Variants in FGF12 observed in about 807,000 individuals in gnomAD.
The protein encoded by FGF12 is fibroblast growth factor 12B.
FGF12 carries 14 observed loss-of-function variants against 23.6 expected under a neutral mutation model. That is an observed-to-expected ratio of 0.59 (90% CI 0.39 to 0.93). The LOEUF (loss-of-function observed/expected upper bound fraction) is 0.93. FGF12 is among the 40% of genes least tolerant of loss of function. The pLI is 0.00. For synonymous variants in FGF12, 62 were observed against 77.3 expected (o/e 0.80, Z 1.04); for missense variants, 175 against 217.8 (o/e 0.80, Z 1.24).
chr3:192,148,649 A>G (rs1250756547), intron 5 of FGF12, among the ~76,000 whole-genome samples: 1 of 152,186 alleles, frequency 6.6e-6, no homozygotes, highest in East Asian at 1.9e-4. Context: ...CAAACAAACA[A>G]CTTGTCCTGA....
At chr3:192,447,425 A>G (rs1722388021) in intron 2 of FGF12, among the ~76,000 whole-genome samples, 1 of 152,206 alleles carries the variant, frequency 6.6e-6, no homozygotes, top group South Asian at 2.1e-4. Flanking sequence ...GCTGATTATT[A>G]AAAGTGTTTA....
intron 2 of FGF12, among the ~76,000 whole-genome samples, chr3:192,424,858 T>C (rs1001052685): frequency 5.9e-5 from 9 of 152,202 alleles, no homozygotes; most frequent in Non-Finnish European, 1.3e-4. Context: ...TTTTTATCCC[T>C]TCACCAGTCT....
intron 4 of FGF12, among the ~76,000 whole-genome samples, chr3:192,235,645 T>C (rs1719255300): frequency 6.6e-6 from 1 of 152,156 alleles, no homozygotes; most frequent in South Asian, 2.1e-4. Flanking sequence ...TTAGTTGGTG[T>C]GCAGAGAGGT....
At chr3:192,599,762 A>G (rs1714030738) in intron 2 of FGF12, among the ~76,000 whole-genome samples, 1 of 152,094 alleles carries the variant, frequency 6.6e-6, no homozygotes, top group African/African-American at 2.4e-5. Flanking sequence ...TTCTAGAGGG[A>G]GAAAAAAATA....
At chr3:192,367,956 C>G (rs908471743) in intron 2 of FGF12, among the ~76,000 whole-genome samples, 1 of 152,146 alleles carries the variant, frequency 6.6e-6, no homozygotes, top group African/African-American at 2.4e-5. Flanking sequence ...TAAGTGCATT[C>G]TATTTCAGTT....
intron 2 of FGF12, among the ~76,000 whole-genome samples, chr3:192,481,556 A>G (rs1487603672): frequency 6.6e-6 from 1 of 152,236 alleles, no homozygotes; most frequent in Non-Finnish European, 1.5e-5. Context: ...CAGAGATTTC[A>G]TGAATGTTGT....
At chr3:192,505,690 C>T (rs1208001978) in intron 2 of FGF12, among the ~76,000 whole-genome samples, 1 of 152,056 alleles carries the variant, frequency 6.6e-6, no homozygotes, top group Non-Finnish European at 1.5e-5. Flanking sequence ...ATAATATAAA[C>T]ACATGTAAAG....
intron 2 of FGF12, among the ~76,000 whole-genome samples, chr3:192,673,923 G>A (rs1053759628): frequency 1.3e-5 from 2 of 151,142 alleles, no homozygotes; most frequent in African/African-American, 4.8e-5. Flanking sequence ...GGATTGTTGA[G>A]TCAAATAGTA....
chr3:192,575,560 C>T (rs891565781), intron 2 of FGF12, among the ~76,000 whole-genome samples: 1 of 152,204 alleles, frequency 6.6e-6, no homozygotes, highest in African/African-American at 2.4e-5. Flanking sequence ...GTCTCCTGTT[C>T]TCTGCCTCCC....
intron 4 of FGF12, among the ~76,000 whole-genome samples, chr3:192,271,335 A>G (rs1348511482): frequency 6.6e-6 from 1 of 152,186 alleles, no homozygotes; most frequent in South Asian, 2.1e-4. Flanking sequence ...CTGAGTCGAC[A>G]TAAGTATCTG....
At position 192,170,682 on chromosome 3, in the gene FGF12, A is replaced by C. The variant is rs745340612; in HGVS notation, c.229-26T>G. The C allele has an allele frequency of 2.6e-6, 4 of 1,557,588 alleles. No homozygotes were observed. In the Admixed American group the frequency reaches 7.9e-5, roughly 31 times the overall value. On this transcript the variant is annotated intron_variant, in intron 4 of 5. Transcript: ENST00000445105. ...CTGTAGGAAAAAAAAAAAAAGACACAAAAAAGAGAAATGATTTAAAGGTGA... is the reference window on the plus strand; with the variant it reads ...CTGTAGGAAAAAAAAAAAAAGACACCAAAAAGAGAAATGATTTAAAGGTGA...
chr3:192,325,938 G>T (rs1197630782), intron 4 of FGF12, among the ~76,000 whole-genome samples: 1 of 152,126 alleles, frequency 6.6e-6, no homozygotes, highest in Non-Finnish European at 1.5e-5. Context: ...ACTCAAAAGT[G>T]AACTAGTCAC....
Position 192,233,651 on chromosome 3 carries a change from A to AT in FGF12, c.229-62996dup, listed in dbSNP as rs1371592775. Among the ~76,000 whole-genome samples the AT allele has an allele frequency of 3.3e-5, 5 of 151,874 alleles. No homozygotes were observed. The East Asian group carries it at 9.7e-4, about 29-fold the overall frequency. Reference sequence around the variant, plus strand: ...TCATGTCCAGAGTGGTATTTCCTAGATTTTTTTTCTAGGATATTTATAATT... The same window carrying AT: ...TCATGTCCAGAGTGGTATTTCCTAGATTTTTTTTTCTAGGATATTTATAATT... On this transcript the variant is annotated intron_variant, in intron 4 of 5. Transcript: ENST00000445105.
rs1318521239 is a variant in FGF12, at chr3:192,705,594, A to T, written c.13+21587T>A. Among the ~76,000 whole-genome samples the T allele has an allele frequency of 3.3e-5, 5 of 152,242 alleles. No individual in the cohort carries two copies. The East Asian group carries it at 9.6e-4, about 29-fold the overall frequency. ...GGGCATGGCTTGTGGCACTCCCAAA[A>T]CAATTACAATAATAGCATCAAATAT... On this transcript the variant is annotated intron_variant, in intron 2 of 5. Coordinates refer to ENST00000445105, the MANE Select transcript of FGF12 (RefSeq NM_004113.6).
In FGF12 at chr3:192,650,983, A is replaced by G. The variant is rs548931550; in HGVS notation, c.13+76198T>C. On this transcript the variant is annotated intron_variant, in intron 2 of 5. Coordinates refer to ENST00000445105, the MANE Select transcript of FGF12 (RefSeq NM_004113.6). ...TTAAGTTAAATATATTTCTGTCCTAATGTCTCAAGTTGCTAAGAAGATATT... is the reference window on the plus strand; with the variant it reads ...TTAAGTTAAATATATTTCTGTCCTAGTGTCTCAAGTTGCTAAGAAGATATT... 1.2e-4 allele frequency among the ~76,000 whole-genome samples: 19 copies of G among 152,322 alleles called. No homozygotes were observed. The South Asian group carries it at 3.9e-3, about 32-fold the overall frequency.
chr3:192,263,180 A>G (rs973287307), intron 4 of FGF12, among the ~76,000 whole-genome samples: 31 of 152,254 alleles, frequency 2.0e-4, no homozygotes, highest in Middle Eastern at 3.4e-3. Flanking sequence ...ATCAAGCAAT[A>G]TGGCAGTAAA....
intron 2 of FGF12, among the ~76,000 whole-genome samples, chr3:192,620,382 C>T (rs1398757879): frequency 6.6e-6 from 1 of 152,140 alleles, no homozygotes; most frequent in African/African-American, 2.4e-5. Flanking sequence ...GCCAAAAAGG[C>T]TTCCAGGGCC....
chr3:192,531,964 T>C (rs556982120), intron 2 of FGF12, among the ~76,000 whole-genome samples: 33 of 152,334 alleles, frequency 2.2e-4, no homozygotes, highest in African/African-American at 7.7e-4. Context: ...TTCTTCTACA[T>C]GTAGCTTGCT....
chr3:192,335,241 G>T, intron 4 of FGF12, 120 bp downstream of exon 4: 1 of 668,714 alleles, frequency 1.5e-6, no homozygotes, highest in East Asian at 2.7e-5. Flanking sequence ...CGAAAAACAG[G>T]ATCACAAAAT....
Sources: gnomAD v4.1 joint callset for allele counts (sites outside exome capture counted in the v4.1 genomes callset) on GRCh38, gnomAD v4.1.1 for gene constraint, MANE v1.5 for transcripts, NCBI Gene and HGNC (gene_info 2026-07-23, HGNC 2026-07-21) for gene names.